The following CLDN16 variants were observed in gnomAD, a reference collection of about 807,000 sequenced individuals.
The protein encoded by CLDN16 is claudin 16.
In CLDN16, 13 loss-of-function variants were observed where a neutral mutation model predicts 24.6. The ratio of observed to expected loss-of-function variants is 0.53; its 90% CI spans 0.34 to 0.84. The LOEUF (loss-of-function observed/expected upper bound fraction) is 0.84. CLDN16 is among the 40% of genes least tolerant of loss of function. The probability of loss-of-function intolerance (pLI) is 0.01; values close to 1 mark genes in which losing one functional copy is unlikely to be tolerated. For missense variants in CLDN16, 298 were observed against 292.7 expected, an observed-to-expected ratio of 1.02 and a Z score of -0.13; for synonymous variants, 116 against 106.7, an observed-to-expected ratio of 1.09 and a Z score of -0.54.
chr3:190,383,806 G>A (rs1332695053), upstream of CLDN16, among the ~76,000 whole-genome samples: 3 of 152,068 alleles, frequency 2.0e-5, no homozygotes, highest in African/African-American at 7.2e-5. Flanking sequence ...ACACATACAT[G>A]TGTGTACACA....
chr3:190,407,745 T>C (rs1423847348), intron 3 of CLDN16, among the ~76,000 whole-genome samples: 5 of 152,180 alleles, frequency 3.3e-5, no homozygotes, highest in South Asian at 2.1e-4. Context: ...AATAAAAACA[T>C]TTTTTACTTC....
the CLDN16 span, chr3:190,306,900 T>A: frequency 6.6e-6 from 1 of 152,610 alleles, no homozygotes; most frequent in Admixed American, 6.6e-5. Flanking sequence ...CTGAACCACA[T>A]GAAGGTATGT....
At chr3:190,323,103 C>T (rs1716979833) in intron 1 of CLDN16, among the ~76,000 whole-genome samples, 1 of 151,994 alleles carries the variant, frequency 6.6e-6, no homozygotes, top group African/African-American at 2.4e-5. Flanking sequence ...ATCAAGTTGA[C>T]CCAAAATATC....
intron 1 of CLDN16, among the ~76,000 whole-genome samples, chr3:190,342,058 C>T (rs112788065): frequency 0.069 from 10,456 of 152,254 alleles, 547 homozygotes; most frequent in African/African-American, 0.14. Context: ...AAGAAATCTC[C>T]AGGAAGTTCC....
chr3:190,315,601 C>T, the CLDN16 span, among the ~76,000 whole-genome samples: 2 of 152,194 alleles, frequency 1.3e-5, no homozygotes, highest in African/African-American at 2.4e-5. Context: ...TAGCATCTTA[C>T]ATTTCACAGC....
intron 1 of CLDN16, among the ~76,000 whole-genome samples, chr3:190,367,353 A>G (rs1718045276): frequency 6.6e-6 from 1 of 151,986 alleles, no homozygotes; most frequent in African/African-American, 2.4e-5. Flanking sequence ...ATTCAAAATT[A>G]TAGGCATAAA....
At chr3:190,340,123 A>G (rs1441751924) in intron 1 of CLDN16, among the ~76,000 whole-genome samples, 2 of 152,236 alleles carry the variant, frequency 1.3e-5, no homozygotes, top group African/African-American at 2.4e-5. Context: ...TCCTTTCTTG[A>G]TAAAAACTTC....
Position 190,340,744 on chromosome 3 carries a change from C to T in CLDN16, n.121+18083C>T, listed in dbSNP as rs1717409404. ...TTAACTCAAAAGTCCAAAATCTCAT[C>T]TGAGACAAGGCAAGCCCCTTCTGTC... On this transcript the variant is annotated intron_variant and non_coding_transcript_variant, in intron 1 of 4. Transcript: ENST00000468220. 2.6e-5 allele frequency among the ~76,000 whole-genome samples: 4 copies of T among 152,178 alleles called. No individual in the cohort carries two copies. In the South Asian group the frequency reaches 8.3e-4, roughly 32 times the overall value.
At chr3:190,333,572 ATCTATCT>A (rs1560080560) in intron 1 of CLDN16, among the ~76,000 whole-genome samples, 21 of 72,662 alleles carry the variant, frequency 2.9e-4, no homozygotes, top group African/African-American at 1.2e-3. Flanking sequence ...CTATCTATCT[ATCTATCT>A]ATCAATCATC....
intron 1 of CLDN16, among the ~76,000 whole-genome samples, chr3:190,359,325 T>C (rs1717839840): frequency 6.6e-6 from 1 of 152,056 alleles, no homozygotes; most frequent in South Asian, 2.1e-4. Flanking sequence ...ACTTCCAAAT[T>C]TGACTCTCTT....
At chr3:190,371,197 A>G (rs1165286847) in intron 2 of CLDN16, among the ~76,000 whole-genome samples, 1 of 150,314 alleles carries the variant, frequency 6.7e-6, no homozygotes, top group East Asian at 2.0e-4. Flanking sequence ...TCTTGTAATC[A>G]TGTGAGTTAA....
At chr3:190,312,237 A>T in the CLDN16 span, among the ~76,000 whole-genome samples, 6 of 152,068 alleles carry the variant, frequency 3.9e-5, no homozygotes, top group African/African-American at 1.4e-4. Context: ...GGCCTAAAAA[A>T]CACGTATTTA....
intron 1 of CLDN16, among the ~76,000 whole-genome samples, chr3:190,331,981 A>G (rs1377938915): frequency 1.8e-5 from 2 of 113,476 alleles, no homozygotes; most frequent in Non-Finnish European, 3.8e-5. Flanking sequence ...CTTTTCACAA[A>G]GCCATTTCTC....
intron 1 of CLDN16, among the ~76,000 whole-genome samples, chr3:190,347,971 C>T (rs999217930): frequency 9.9e-5 from 15 of 151,018 alleles, no homozygotes; most frequent in Non-Finnish European, 1.6e-4. Context: ...GGGCTGGGCG[C>T]GGTGGCTCAC....
At chr3:190,390,351 T>G (rs6797278) in intron 1 of CLDN16, among the ~76,000 whole-genome samples, 1,974 of 152,036 alleles carry the variant, frequency 0.013, 39 homozygotes, top group African/African-American at 0.042. Context: ...CTGGCCGACA[T>G]AGTGAAACCC....
At chr3:190,343,096 C>A (rs1427212173) in intron 1 of CLDN16, among the ~76,000 whole-genome samples, 1 of 152,072 alleles carries the variant, frequency 6.6e-6, no homozygotes, top group Non-Finnish European at 1.5e-5. Flanking sequence ...TTATAAAGAT[C>A]TCATCCAACT....
At chr3:190,304,213 AG>A in the CLDN16 span, among the ~76,000 whole-genome samples, 1 of 152,184 alleles carries the variant, frequency 6.6e-6, no homozygotes, top group African/African-American at 2.4e-5. Flanking sequence ...CATGGGTCTA[AG>A]GCCTTCATTT....
intron 1 of CLDN16, among the ~76,000 whole-genome samples, chr3:190,392,635 CA>C (rs1439754069): frequency 6.6e-6 from 1 of 152,026 alleles, no homozygotes; most frequent in Non-Finnish European, 1.5e-5. Context: ...GAAAGCTACC[CA>C]AAAGAAGAGA....
intron 1 of CLDN16, among the ~76,000 whole-genome samples, chr3:190,332,540 T>C (rs1717204469): frequency 6.6e-6 from 1 of 152,160 alleles, no homozygotes; most frequent in Admixed American, 6.5e-5. Context: ...CTGTGCAATT[T>C]CTAAGGATTT....
Sources: allele counts gnomAD v4.1 joint callset (sites outside exome capture counted in the v4.1 genomes callset), GRCh38; gene constraint gnomAD v4.1.1; transcripts MANE v1.5; gene names NCBI Gene and HGNC (gene_info 2026-07-23, HGNC 2026-07-21).